Variants in IFTAP observed in about 807,000 individuals in gnomAD.
IFTAP encodes intraflagellar transport associated protein, also known as intraflagellar transport-associated protein.
Under a neutral mutation model 19.4 loss-of-function variants are expected in IFTAP, and 19 were observed. That is an observed-to-expected ratio of 0.98 (90% CI 0.68 to 1.44). The LOEUF (loss-of-function observed/expected upper bound fraction) is 1.44, where lower values mean the gene tolerates loss of function less well. Among genes scored for constraint, IFTAP ranks in the 40% most tolerant of loss-of-function variants. The pLI, the probability that IFTAP is intolerant of heterozygous loss-of-function variation, is 0.00. For synonymous variants in IFTAP, 85 were observed against 83.5 expected (o/e 1.02, Z -0.10); for missense variants, 240 against 253.6 (o/e 0.95, Z 0.36).
rs143196379 is a variant in IFTAP, at chr11:36,616,817, T to C, written c.136+6578T>C. ...TGAGTATTGGAAACATGGCCAGTGC[T>C]ACCCAGGAACAGAGTTTTAAATTTT... On this transcript the variant is annotated intron_variant, in intron 2 of 5. Coordinates refer to ENST00000334307, the MANE Select transcript of IFTAP (RefSeq NM_138787.4). Among the ~76,000 whole-genome samples the C allele has an allele frequency of 4.2e-3, 642 of 152,046 alleles. 10 individuals carry two copies. Among genetic ancestry groups the C allele is most frequent in the Admixed American group, 0.033 (508 of 15,206 alleles).
At chr11:36,609,016 T>C (rs1379286631) in intron 1 of IFTAP, among the ~76,000 whole-genome samples, 1 of 152,190 alleles carries the variant, frequency 6.6e-6, no homozygotes, top group Non-Finnish European at 1.5e-5. Flanking sequence ...CTATCAAGCA[T>C]TTGGGATACA....
At chr11:36,634,201 T>C (rs10836582) in intron 3 of IFTAP, among the ~76,000 whole-genome samples, 27,718 of 152,086 alleles carry the variant, frequency 0.18, 3,466 homozygotes, top group East Asian at 0.59. Context: ...ATTGGGATTA[T>C]ATTATATAGA....
In IFTAP at chr11:36,648,113, G is replaced by A. The variant is rs1165636405; in HGVS notation, c.456G>A (p.Lys152=). ...CCCAGCCTCCTACCTGTGAAGTGAA[G>A]CCAAAGCCCAGTGTTAAAAGAATGG... ...FVAQPPTCEV[K]PKPSVKRMDK... is the part of the protein sequence containing the mutation. The change falls in exon 5 of 6, where the codon AAG becomes AAA. Residue 152 remains lysine, a synonymous_variant. Transcript: ENST00000334307. 2 of 1,613,382 alleles carry A rather than the reference G, an allele frequency of 1.2e-6. No individual in the cohort carries two copies. Among genetic ancestry groups the A allele is most frequent in the African/African-American group, 2.7e-5 (2 of 74,986 alleles).
At chr11:36,641,209 C>T (rs914780603) in intron 4 of IFTAP, among the ~76,000 whole-genome samples, 11 of 151,368 alleles carry the variant, frequency 7.3e-5, no homozygotes, top group African/African-American at 1.7e-4. Context: ...ATAACAGATT[C>T]GAAAAAATGT....
chr11:36,640,969 T>G (rs1002842830), intron 4 of IFTAP, among the ~76,000 whole-genome samples: 1 of 152,172 alleles, frequency 6.6e-6, no homozygotes, highest in Non-Finnish European at 1.5e-5. Context: ...GTTTTCAGAA[T>G]GCTCATGGAA....
chr11:36,651,580 G>A (rs1192821081), intron 5 of IFTAP, among the ~76,000 whole-genome samples: 1 of 152,064 alleles, frequency 6.6e-6, no homozygotes, highest in Non-Finnish European at 1.5e-5. Context: ...GTCAATTTTG[G>A]CTTTGGTTGC....
In IFTAP at chr11:36,617,198, T is replaced by G. The variant is rs575711418; in HGVS notation, c.136+6959T>G. Among the ~76,000 whole-genome samples the G allele has an allele frequency of 6.3e-3, 937 of 149,252 alleles. 10 individuals carry two copies. Among genetic ancestry groups the G allele is most frequent in the African/African-American group, 0.022 (906 of 41,056 alleles). ...TACTTTTTATTTGTATATTTATTTGTATATATATTTATTTATTTGTATATT... is the reference window on the plus strand; with the variant it reads ...TACTTTTTATTTGTATATTTATTTGGATATATATTTATTTATTTGTATATT... On this transcript the variant is annotated intron_variant, in intron 2 of 5. Transcript: ENST00000334307.
intron 2 of IFTAP, among the ~76,000 whole-genome samples, chr11:36,632,325 G>A (rs1852760513): frequency 6.6e-6 from 1 of 151,054 alleles, no homozygotes; most frequent in Admixed American, 6.6e-5. Context: ...TTACCTCAGT[G>A]TAATTGATGA....
chr11:36,609,063 T>A (rs1384271019), intron 1 of IFTAP, among the ~76,000 whole-genome samples: 2 of 152,198 alleles, frequency 1.3e-5, no homozygotes, highest in Non-Finnish European at 2.9e-5. Flanking sequence ...TTTATGTCTC[T>A]GAGTCTAGTA....
At chr11:36,628,171 C>T (rs892573280) in intron 2 of IFTAP, among the ~76,000 whole-genome samples, 2 of 151,062 alleles carry the variant, frequency 1.3e-5, no homozygotes, top group Non-Finnish European at 2.9e-5. Context: ...CTAATTGTGA[C>T]TCCCCAGGAT....
At chr11:36,595,239 A>C (rs1338433137) in intron 1 of IFTAP, 1 of 152,184 alleles carries the variant, frequency 6.6e-6, no homozygotes, top group African/African-American at 2.4e-5. Flanking sequence ...TTTCCAGTCC[A>C]AGAACTTTTG....
intron 4 of IFTAP, among the ~76,000 whole-genome samples, chr11:36,640,883 A>G (rs1853168697): frequency 6.6e-6 from 1 of 152,238 alleles, no homozygotes; most frequent in Non-Finnish European, 1.5e-5. Context: ...AAAATTATAC[A>G]TAGGGGAAAG....
chr11:36,619,069 G>A (rs576152230), intron 2 of IFTAP, among the ~76,000 whole-genome samples: 10 of 151,958 alleles, frequency 6.6e-5, no homozygotes, highest in Non-Finnish European at 1.2e-4. Context: ...GCCCACAGAG[G>A]CCAAGTGACT....
chr11:36,638,187 C>T (rs1420153731), intron 4 of IFTAP, among the ~76,000 whole-genome samples: 6 of 151,956 alleles, frequency 3.9e-5, no homozygotes, highest in African/African-American at 1.2e-4. Context: ...GGTGTGAGCC[C>T]CCTCACCCGG....
At chr11:36,607,534 A>G (rs1404071897) in intron 1 of IFTAP, among the ~76,000 whole-genome samples, 1 of 151,274 alleles carries the variant, frequency 6.6e-6, no homozygotes, top group Non-Finnish European at 1.5e-5. Context: ...AGGCATAAGT[A>G]CTCTCATGTT....
intron 5 of IFTAP, among the ~76,000 whole-genome samples, chr11:36,648,924 C>A (rs1402965310): frequency 6.6e-6 from 1 of 152,118 alleles, no homozygotes; most frequent in Non-Finnish European, 1.5e-5. Flanking sequence ...TTTACTCTTG[C>A]AAATGTGCAA....
chr11:36,656,852 C>A (rs1419477162), intron 5 of IFTAP, among the ~76,000 whole-genome samples: 1 of 151,960 alleles, frequency 6.6e-6, no homozygotes, highest in Admixed American at 6.6e-5. Flanking sequence ...GAGTCGGGGG[C>A]ATGGTATGGT....
At chr11:36,598,050 A>C (rs564950586) in intron 1 of IFTAP, 4 of 152,206 alleles carry the variant, frequency 2.6e-5, no homozygotes, top group Non-Finnish European at 5.9e-5. Flanking sequence ...AAAGTTTACT[A>C]ACATAGGCTC....
chr11:36,602,980 G>T (rs2133356761), intron 1 of IFTAP, among the ~76,000 whole-genome samples: 1 of 152,214 alleles, frequency 6.6e-6, no homozygotes, highest in Non-Finnish European at 1.5e-5. Flanking sequence ...GAGTGAGTGG[G>T]GAGAGTTCAA....
Sources: gnomAD v4.1 joint callset for allele counts (sites outside exome capture counted in the v4.1 genomes callset) on GRCh38, gnomAD v4.1.1 for gene constraint, MANE v1.5 for transcripts, NCBI Gene and HGNC (gene_info 2026-07-23, HGNC 2026-07-21) for gene names.